The following PAK5 variants were observed in gnomAD, a reference collection of about 807,000 sequenced individuals.
The protein encoded by PAK5 is p21 (RAC1) activated kinase 5, also known as serine/threonine-protein kinase PAK 5.
A neutral mutation model predicts 65.9 loss-of-function variants in PAK5; 16 were observed. The observed-to-expected ratio is 0.24, with a 90% CI of 0.16 to 0.37. PAK5 has a LOEUF of 0.37. Ranked by LOEUF, PAK5 falls within the 10% of genes least tolerant of loss-of-function variation. The pLI is 1.00. For synonymous variants in PAK5, 371 were observed against 354.9 expected (o/e 1.05, Z -0.51); for missense variants, 785 against 903.9 (o/e 0.87, Z 1.69).
At chr20:9,766,032 G>T (rs2123660723) in intron 1 of PAK5, among the ~76,000 whole-genome samples, 1 of 152,062 alleles carries the variant, frequency 6.6e-6, no homozygotes, top group Non-Finnish European at 1.5e-5. Context: ...GACCATCCTG[G>T]CCAAAATGGT....
At chr20:9,785,317 T>C (rs2048981263) in intron 1 of PAK5, among the ~76,000 whole-genome samples, 1 of 152,200 alleles carries the variant, frequency 6.6e-6, no homozygotes. Flanking sequence ...TATACTCATT[T>C]ATGACGTGTA....
chr20:9,831,209 G>T (rs1478695644), intron 1 of PAK5, among the ~76,000 whole-genome samples: 1 of 152,084 alleles, frequency 6.6e-6, no homozygotes. Context: ...TTTGGGGGGT[G>T]TGTGTGTGTG....
intron 1 of PAK5, among the ~76,000 whole-genome samples, chr20:9,800,358 T>C (rs2049155553): frequency 6.6e-6 from 1 of 152,198 alleles, no homozygotes; most frequent in Non-Finnish European, 1.5e-5. Context: ...AAGGTCACTT[T>C]TGTTTGTTAA....
intron 3 of PAK5, among the ~76,000 whole-genome samples, chr20:9,597,401 AC>A (rs1207546351): frequency 6.6e-6 from 1 of 152,214 alleles, no homozygotes; most frequent in Non-Finnish European, 1.5e-5. Flanking sequence ...GCTTTCCTTC[AC>A]TTTTAAATTC....
At chr20:9,716,240 A>G (rs946952804) in intron 1 of PAK5, among the ~76,000 whole-genome samples, 1 of 152,190 alleles carries the variant, frequency 6.6e-6, no homozygotes, top group Non-Finnish European at 1.5e-5. Context: ...TGCCTTACAC[A>G]GGCAACAATA....
rs1555910638 is a variant in PAK5, at chr20:9,665,085, G to GGTTTTTTTTTTT, written c.-11-20747_-11-20746insAAAAAAAAAAAC. ...CCACCATGCCCAGCTAAATTTTTCT[G>GGTTTTTTTTTTT]TTTTTTTTTTTTTTTGTAGTGATGA... On this transcript the variant is annotated intron_variant, in intron 2 of 9. Transcript: ENST00000353224. Among the ~76,000 whole-genome samples the GGTTTTTTTTTTT allele has an allele frequency of 2.2e-3, 214 of 98,874 alleles. 2 individuals carry two copies. Among genetic ancestry groups the GGTTTTTTTTTTT allele is most frequent in the Non-Finnish European group, 3.1e-3 (163 of 53,274 alleles). 64.9% of individuals were successfully genotyped at this position (98,874 alleles called of 152,430 possible). A position where few individuals can be genotyped will look rare whatever the true frequency, so the allele number is the denominator to read the frequency against.
At chr20:9,796,802 G>A (rs530679386) in intron 1 of PAK5, among the ~76,000 whole-genome samples, 1 of 152,230 alleles carries the variant, frequency 6.6e-6, no homozygotes, top group Admixed American at 6.5e-5. Flanking sequence ...CAGATGAGAT[G>A]GGGAATTGTC....
chr20:9,716,424 G>T (rs958439827), intron 1 of PAK5, among the ~76,000 whole-genome samples: 10 of 152,102 alleles, frequency 6.6e-5, no homozygotes, highest in Admixed American at 6.6e-4. Context: ...ATAATCATGT[G>T]GGTCTACTGC....
chr20:9,586,425 A>G (rs2046071420), intron 3 of PAK5, among the ~76,000 whole-genome samples: 1 of 152,176 alleles, frequency 6.6e-6, no homozygotes, highest in South Asian at 2.1e-4. Context: ...TTTTTGAGAA[A>G]TACTGAAATA....
At chr20:9,746,138 A>G (rs1324165128) in intron 1 of PAK5, among the ~76,000 whole-genome samples, 1 of 152,148 alleles carries the variant, frequency 6.6e-6, no homozygotes, top group East Asian at 1.9e-4. Context: ...TTTATTTGTT[A>G]TCCAAAGGAC....
chr20:9,701,116 C>A (rs1016417388), intron 2 of PAK5, among the ~76,000 whole-genome samples: 34 of 152,162 alleles, frequency 2.2e-4, no homozygotes, highest in African/African-American at 8.2e-4. Flanking sequence ...TCTCCACAGG[C>A]ATGAGAACCC....
intron 3 of PAK5, among the ~76,000 whole-genome samples, chr20:9,618,811 G>A (rs111538569): frequency 6.8e-6 from 1 of 147,660 alleles, no homozygotes; most frequent in South Asian, 2.2e-4. Context: ...GAGATGAATC[G>A]ATATTTTCAT....
intron 1 of PAK5, among the ~76,000 whole-genome samples, chr20:9,721,726 T>C (rs2048217607): frequency 6.7e-6 from 1 of 149,686 alleles, no homozygotes; most frequent in African/African-American, 2.5e-5. Context: ...AAGCCATTCA[T>C]AGTTTTTGTG....
intron 1 of PAK5, among the ~76,000 whole-genome samples, chr20:9,716,338 T>C (rs2048146997): frequency 6.6e-6 from 1 of 152,224 alleles, no homozygotes; most frequent in Non-Finnish European, 1.5e-5. Flanking sequence ...TTTCTGCATC[T>C]TTTGATACCC....
chr20:9,585,462 T>C (rs1410378958), intron 3 of PAK5, among the ~76,000 whole-genome samples: 1 of 152,252 alleles, frequency 6.6e-6, no homozygotes, highest in Non-Finnish European at 1.5e-5. Context: ...CAATGCAACG[T>C]TGGTGTGTGA....
chr20:9,780,256 A>T (rs1019984501), intron 1 of PAK5, among the ~76,000 whole-genome samples: 1 of 152,114 alleles, frequency 6.6e-6, no homozygotes, highest in Non-Finnish European at 1.5e-5. Context: ...TCAGAGGAAG[A>T]AAATGATAGC....
intron 1 of PAK5, among the ~76,000 whole-genome samples, chr20:9,786,334 A>G (rs1182344353): frequency 6.6e-6 from 1 of 152,048 alleles, no homozygotes; most frequent in African/African-American, 2.4e-5. Flanking sequence ...GCCCCCAGGA[A>G]GTGCTCAACA....
chr20:9,749,034 A>G (rs1348828057), intron 1 of PAK5, among the ~76,000 whole-genome samples: 1 of 147,136 alleles, frequency 6.8e-6, no homozygotes, highest in Non-Finnish European at 1.5e-5. Flanking sequence ...CTTTAGTTTA[A>G]ATTTATTGTG....
At chr20:9,760,435 C>T (rs189424613) in intron 1 of PAK5, among the ~76,000 whole-genome samples, 275 of 152,066 alleles carry the variant, frequency 1.8e-3, no homozygotes, top group African/African-American at 5.7e-3. Flanking sequence ...ACAAATCTTC[C>T]GTTCTCCCAT....
Sources: allele counts gnomAD v4.1 joint callset (sites outside exome capture counted in the v4.1 genomes callset), GRCh38; gene constraint gnomAD v4.1.1; transcripts MANE v1.5; gene names NCBI Gene and HGNC (gene_info 2026-07-23, HGNC 2026-07-21).